ERCC6: variants seen among roughly 807,000 people sequenced by gnomAD.
ERCC6 encodes the protein ERCC excision repair 6, chromatin remodeling factor.
ERCC6 carries 116 observed loss-of-function variants against 158.7 expected under a neutral mutation model. The ratio of observed to expected loss-of-function variants is 0.73; its 90% CI spans 0.63 to 0.85. The LOEUF is 0.85. Ranked by LOEUF, ERCC6 falls within the 40% of genes least tolerant of loss-of-function variation. ERCC6 has a pLI of 0.00. For missense variants in ERCC6, 1,698 were observed against 1,799.4 expected, an observed-to-expected ratio of 0.94 and a Z score of 1.02; for synonymous variants, 678 against 659.3, an observed-to-expected ratio of 1.03 and a Z score of -0.43.
At chr10:49,485,891 AT>A (rs1851068568) in intron 8 of ERCC6, among the ~76,000 whole-genome samples, 1 of 152,226 alleles carries the variant, frequency 6.6e-6, no homozygotes, top group Non-Finnish European at 1.5e-5. Flanking sequence ...ACAGGGAGAC[AT>A]TCCACTGGGT....
In ERCC6 at chr10:49,456,978, T is replaced by C. The variant is rs1850493546; in HGVS notation, c.*1837A>G. The C allele has an allele frequency of 6.6e-6, 1 of 152,202 alleles. No individual in the cohort carries two copies. The highest frequency in any genetic ancestry group is 2.1e-4 in the South Asian group (1 of 4,826). 9.4% of individuals were successfully genotyped at this position (152,202 alleles called of 1,614,324 possible). Reference sequence around the variant, plus strand: ...CATTATAGCTTTTGATAGTATTTGCTACTTGAAGAGGAGGCTATACCTTGT... The same window carrying C: ...CATTATAGCTTTTGATAGTATTTGCCACTTGAAGAGGAGGCTATACCTTGT... On this transcript the variant is annotated 3_prime_UTR_variant, in exon 21 of 21. Transcript: ENST00000355832.
rs1219379033 is a variant in ERCC6, at chr10:49,530,760, T to G, written c.503A>C (p.Asn168Thr). The G allele has an allele frequency of 1.9e-6, 3 of 1,613,754 alleles. No individual in the cohort carries two copies. The Admixed American group carries it at 5.0e-5, about 27-fold the overall frequency. Residue 168 changes from asparagine (N) to threonine (T), a missense_variant, in exon 3 of 21, where the codon AAC (asparagine) becomes ACC (threonine). Coordinates refer to ENST00000355832, the MANE Select transcript of ERCC6 (RefSeq NM_000124.4). ...TCGTTTTACAGAATCTAGTTTCCTG[T>G]TGATGTCTCTGCTGGTGGCAGCTTG... ...SPQAATSRDI[N>T]RKLDSVKRQK...
chr10:49,538,122 T>C (rs753821147), intron 1 of ERCC6, among the ~76,000 whole-genome samples: 1 of 152,252 alleles, frequency 6.6e-6, no homozygotes, highest in African/African-American at 2.4e-5. Flanking sequence ...GGCCTAAGTC[T>C]TGCAGAGTAT....
chr10:49,506,011 TCCTA>T lies in ERCC6; in HGVS notation c.1398-3_1398del, dbSNP rs770673858. ...TCCTGCAGTCTCAGTTTATTCCATC[TCCTA>T]CCATGAAAATAAAAATCACATTTCC... On this transcript the variant is annotated splice_acceptor_variant and splice_polypyrimidine_tract_variant and coding_sequence_variant and intron_variant, in exon 6 of 21. Coordinates refer to ENST00000355832, the MANE Select transcript of ERCC6 (RefSeq NM_000124.4). LOFTEE classifies it high-confidence loss of function. The T allele has an allele frequency of 6.2e-7, 1 of 1,612,842 alleles. No homozygotes were observed. Among genetic ancestry groups the T allele is most frequent in the African/African-American group, 1.3e-5 (1 of 74,842 alleles).
rs556468886 is a variant in ERCC6, at chr10:49,469,027, T to A, written c.3778+1155A>T. Among the ~76,000 whole-genome samples, 18 of 152,128 alleles carry A rather than the reference T, an allele frequency of 1.2e-4. No homozygotes were observed. In the South Asian group the frequency reaches 2.9e-3, roughly 25 times the overall value. On this transcript the variant is annotated intron_variant, in intron 18 of 20. Transcript: ENST00000355832. ...AGTCCACACTGATCTAAAAATAAAT[T>A]AATAAATAAATAAGAGAGAAGGAAA...
intron 4 of ERCC6, 140 bp from the exon 5 acceptor site, chr10:49,524,917 T>C (rs1224363241): frequency 4.0e-6 from 6 of 1,516,918 alleles, no homozygotes; most frequent in Non-Finnish European, 5.3e-6. Flanking sequence ...CTAAAGCATG[T>C]TACATATGAA....
rs749556242 is a variant in ERCC6 at position 49,472,334 on chromosome 10, T to G, written c.2924+42A>C. On this transcript the variant is annotated intron_variant, in intron 16 of 20. Coordinates refer to ENST00000355832, the MANE Select transcript of ERCC6 (RefSeq NM_000124.4). The stretch of plus-strand genomic sequence containing the variant: ...TTTGGAAAAATTCCCTGCTCAAGAC[T>G]CTGGGAACGCACAGCCAAGAGTGGC... The G allele has an allele frequency of 7.7e-6, 12 of 1,553,380 alleles. No individual in the cohort carries two copies. The Admixed American group carries it at 1.7e-4, about 22-fold the overall frequency.
chr10:49,530,713 G>A lies in ERCC6; in HGVS notation c.543+7C>T, dbSNP rs769491240. ...AAAATGCAATACTGAATGTTATTCT[G>A]AATCACCTTATTATACTTCTGTCGT... On this transcript the variant is annotated splice_region_variant and intron_variant, in intron 3 of 20. Transcript: ENST00000355832. 6.2e-7 allele frequency: 1 copy of A among 1,612,464 alleles called. No homozygotes were observed. The highest frequency in any genetic ancestry group is 1.3e-5 in the African/African-American group (1 of 74,988).
At chr10:49,449,924 G>A (rs1184860538), downstream of ERCC6, among the ~76,000 whole-genome samples, 1 of 151,948 alleles carries the variant, frequency 6.6e-6, no homozygotes, top group Admixed American at 6.6e-5. Context: ...CCAGGCTGGA[G>A]TACAGTGGCA....
At chr10:49,516,971 T>C in intron 5 of ERCC6, 1 of 1,614,098 alleles carries the variant, frequency 6.2e-7, no homozygotes, top group East Asian at 2.2e-5. Flanking sequence ...TATTTATTGT[T>C]CCACCTTCTT....
chr10:49,532,915 C>T lies in ERCC6; in HGVS notation c.50G>A (p.Cys17Tyr), dbSNP rs1196819313. 1 of 1,614,106 alleles carries T rather than the reference C, an allele frequency of 6.2e-7. No individual in the cohort carries two copies. The highest frequency in any genetic ancestry group is 8.5e-7 in the Non-Finnish European group (1 of 1,180,046). Reference sequence around the variant, plus strand: ...ATTACTGACAGGTTGACTCTGTAAACAGTCTTGCTCCTGAGTTTGACTTGA... The same window carrying T: ...ATTACTGACAGGTTGACTCTGTAAATAGTCTTGCTCCTGAGTTTGACTTGA... Reference protein sequence around the residue: ...PHSSQTQEQDCLQSQPVSNNE... With the variant: ...PHSSQTQEQDYLQSQPVSNNE... The change falls in exon 2 of 21, where the codon TGT becomes TAT. Residue 17 changes from cysteine to tyrosine, a missense_variant. Coordinates refer to ENST00000355832, the MANE Select transcript of ERCC6 (RefSeq NM_000124.4).
At position 49,460,417 on chromosome 10, in the gene ERCC6, A is replaced by G. The variant is rs1404754899; in HGVS notation, c.4018T>C (p.Ser1340Pro). 1 of 1,613,790 alleles carries G rather than the reference A, an allele frequency of 6.2e-7. No individual in the cohort carries two copies. Among genetic ancestry groups the G allele is most frequent in the South Asian group, 1.1e-5 (1 of 91,082 alleles). ...RFGKKRNSNF[S>P]VQHPSSTSPT... ...GATGTTGATGAAGGATGCTGCACAG[A>G]GAAGTTAGAATTCCTTTTCTTACCA... Residue 1340 changes from serine (S) to proline (P), a missense_variant, in exon 20 of 21, where the codon TCT becomes CCT. Ser to Pro is a moderately conservative substitution (Grantham distance 74). Coordinates refer to ENST00000355832, the MANE Select transcript of ERCC6 (RefSeq NM_000124.4).
chr10:49,458,464 G>C lies in ERCC6; in HGVS notation c.*351C>G. ...TTTAGCACCAATAAAAAAAAATATT[G>C]AGATTTCTGTTCTGCAAACTTCTAA... On this transcript the variant is annotated 3_prime_UTR_variant, in exon 21 of 21. Transcript: ENST00000355832. 3.8e-6 allele frequency: 1 copy of C among 263,008 alleles called. No individual in the cohort carries two copies. Among genetic ancestry groups the C allele is most frequent in the Admixed American group, 5.1e-5 (1 of 19,690 alleles). The allele number at this position is 263,008 out of a possible 1,614,324, so 16.3% of individuals were successfully genotyped here. A position where few individuals can be genotyped will look rare whatever the true frequency, so the allele number is the denominator to read the frequency against.
intron 8 of ERCC6, among the ~76,000 whole-genome samples, chr10:49,489,469 G>A (rs1001440466): frequency 1.3e-5 from 2 of 152,198 alleles, no homozygotes; most frequent in East Asian, 1.9e-4. Flanking sequence ...CAAGTGATTC[G>A]CCCAAGCTTG....
At chr10:49,477,402 G>A (rs1850897763) in intron 11 of ERCC6, among the ~76,000 whole-genome samples, 1 of 152,038 alleles carries the variant, frequency 6.6e-6, no homozygotes, top group African/African-American at 2.4e-5. Flanking sequence ...TAGCCTCCAA[G>A]TGGAAGATGG....
downstream of ERCC6, among the ~76,000 whole-genome samples, chr10:49,453,155 A>G (rs571998018): frequency 6.6e-6 from 1 of 152,182 alleles, no homozygotes; most frequent in South Asian, 2.1e-4. Context: ...TTTCTAAGGT[A>G]GTATTTTAAT....
chr10:49,489,771 T>C (rs1851140192), intron 8 of ERCC6, among the ~76,000 whole-genome samples: 1 of 152,252 alleles, frequency 6.6e-6, no homozygotes, highest in Non-Finnish European at 1.5e-5. Context: ...AAATAAACTT[T>C]ACAAGACAGT....
At chr10:49,537,996 C>T (rs1165950092) in intron 1 of ERCC6, among the ~76,000 whole-genome samples, 1 of 152,204 alleles carries the variant, frequency 6.6e-6, no homozygotes, top group Non-Finnish European at 1.5e-5. Flanking sequence ...ACGTGCGTAA[C>T]TTTTAAGACT....
At position 49,505,993 on chromosome 10, in the gene ERCC6, G is replaced by A. The variant is rs897437706; in HGVS notation, c.1417C>T (p.Leu473=). 1.2e-6 allele frequency: 2 copies of A among 1,613,160 alleles called. No individual in the cohort carries two copies. The highest frequency in any genetic ancestry group is 2.7e-5 in the African/African-American group (2 of 74,866). Residue 473 remains leucine, a synonymous_variant, in exon 6 of 21, where the codon CTG becomes TTG. Transcript: ENST00000355832. Reference sequence around the variant, plus strand: ...TTCAGACGTTTCTCTTTGTCCTGCAGTCTCAGTTTATTCCATCTCCTACCA... The same window carrying A: ...TTCAGACGTTTCTCTTTGTCCTGCAATCTCAGTTTATTCCATCTCCTACCA... ...QRLRRWNKLR[L]QDKEKRLKLE...
Sources: allele counts gnomAD v4.1 joint callset (sites outside exome capture counted in the v4.1 genomes callset), GRCh38; gene constraint gnomAD v4.1.1; transcripts MANE v1.5; gene names NCBI Gene and HGNC (gene_info 2026-07-23, HGNC 2026-07-21).